FRMD5: variants seen among roughly 807,000 people sequenced by gnomAD.
FRMD5 encodes FERM domain-containing protein 5.
In FRMD5, 20 loss-of-function variants were observed where a neutral mutation model predicts 69.0. The ratio of observed to expected loss-of-function variants is 0.29; its 90% CI spans 0.20 to 0.42. FRMD5 has a LOEUF of 0.42. FRMD5 is among the 10% of genes least tolerant of loss of function. FRMD5 has a pLI of 1.00. For missense variants in FRMD5, 595 were observed against 708.6 expected (o/e 0.84, Z 1.82); for synonymous variants, 271 against 260.1 (o/e 1.04, Z -0.40).
intron 1 of FRMD5, among the ~76,000 whole-genome samples, chr15:44,103,297 T>A (rs910517539): frequency 1.3e-5 from 2 of 152,056 alleles, no homozygotes; most frequent in Admixed American, 1.3e-4. Flanking sequence ...GAAGAAGGAA[T>A]TAAATATTAA....
At position 44,038,830 on chromosome 15, in the gene FRMD5, T is replaced by C. The variant is rs532945912; in HGVS notation, c.103-114521A>G. ...GGAACAGTGCACTGCGGCCCAGATATTGCACTTTTCCCATGGTCTTCACAA... is the reference window on the plus strand; with the variant it reads ...GGAACAGTGCACTGCGGCCCAGATACTGCACTTTTCCCATGGTCTTCACAA... On this transcript the variant is annotated intron_variant, in intron 1 of 13. Coordinates refer to ENST00000417257, the MANE Select transcript of FRMD5 (RefSeq NM_032892.5). 5.3e-5 allele frequency among the ~76,000 whole-genome samples: 8 copies of C among 152,188 alleles called. No homozygotes were observed. The South Asian group carries it at 1.2e-3, about 24-fold the overall frequency.
intron 5 of FRMD5, 58 bp downstream of exon 5, chr15:43,909,824 A>C (rs1485206189): frequency 6.8e-6 from 7 of 1,031,266 alleles, no homozygotes; most frequent in African/African-American, 1.6e-5. Context: ...TGCTAACTGA[A>C]AATAATGTAA....
intron 1 of FRMD5, among the ~76,000 whole-genome samples, chr15:43,981,304 T>C (rs929212568): frequency 2.0e-5 from 3 of 151,098 alleles, no homozygotes; most frequent in Admixed American, 6.6e-5. Flanking sequence ...ATTCTTACAA[T>C]AAATTAGAGA....
intron 1 of FRMD5, among the ~76,000 whole-genome samples, chr15:43,957,216 G>A (rs993022560): frequency 1.3e-5 from 2 of 151,678 alleles, no homozygotes; most frequent in African/African-American, 4.8e-5. Context: ...TTCTTTTTGA[G>A]TTGGAGTCTG....
At chr15:43,892,124 A>G (rs2088807897) in intron 7 of FRMD5, 55 bp from the exon 8 acceptor site, 1 of 1,491,298 alleles carries the variant, frequency 6.7e-7, no homozygotes. Context: ...GTGAAAGGGT[A>G]AGAAACACAG....
chr15:43,941,223 C>G (rs942906001), intron 1 of FRMD5, among the ~76,000 whole-genome samples: 1 of 152,126 alleles, frequency 6.6e-6, no homozygotes, highest in Non-Finnish European at 1.5e-5. Flanking sequence ...AAAAAATTAG[C>G]CAGGTGTGGT....
rs189650441 is a variant in FRMD5 at position 43,902,305 on chromosome 15, C to T, written c.552-43G>A. ...AGATGATTTCAAGGTGTCTTGTTCC[C>T]ACAGGTTCCCCTGAGGTAAACTCTC... On this transcript the variant is annotated intron_variant, in intron 6 of 13. Transcript: ENST00000417257. 4.4e-4 allele frequency: 656 copies of T among 1,501,744 alleles called. 4 individuals are homozygous for T. Among genetic ancestry groups the T allele is most frequent in the Non-Finnish European group, 3.9e-5 (42 of 1,077,488 alleles). 93.0% of individuals were successfully genotyped at this position (1,501,744 alleles called of 1,614,324 possible).
At chr15:43,971,637 A>AAG (rs1197761486) in intron 1 of FRMD5, among the ~76,000 whole-genome samples, 1 of 151,816 alleles carries the variant, frequency 6.6e-6, no homozygotes, top group East Asian at 1.9e-4. Context: ...CTAAAAAAAA[A>AAG]AAAAAAAGAG....
intron 1 of FRMD5, among the ~76,000 whole-genome samples, chr15:44,185,036 T>C (rs1377089686): frequency 6.6e-6 from 1 of 152,242 alleles, no homozygotes; most frequent in Non-Finnish European, 1.5e-5. Context: ...GTCTGTAATG[T>C]GGCTATTCAT....
chr15:43,947,316 T>A (rs1233618136), intron 1 of FRMD5, among the ~76,000 whole-genome samples: 1 of 152,218 alleles, frequency 6.6e-6, no homozygotes, highest in Non-Finnish European at 1.5e-5. Flanking sequence ...AAGCTGTGCA[T>A]GGCTATACAA....
chr15:43,999,566 CCCTCTTA>C (rs1299506857), intron 1 of FRMD5, among the ~76,000 whole-genome samples: 1 of 152,006 alleles, frequency 6.6e-6, no homozygotes, highest in Non-Finnish European at 1.5e-5. Flanking sequence ...CAAGTTTGTT[CCCTCTTA>C]CCAACATCTT....
chr15:44,118,144 A>C (rs2076897180), intron 1 of FRMD5, among the ~76,000 whole-genome samples: 1 of 152,108 alleles, frequency 6.6e-6, no homozygotes, highest in African/African-American at 2.4e-5. Flanking sequence ...GAAGAAATTA[A>C]GGAAGTAATT....
chr15:43,899,194 A>G (rs951870048), intron 7 of FRMD5, among the ~76,000 whole-genome samples: 1 of 152,228 alleles, frequency 6.6e-6, no homozygotes, highest in African/African-American at 2.4e-5. Context: ...ACTTGATAGC[A>G]TATCACTAAA....
chr15:43,939,794 CAA>C (rs2089830382), intron 1 of FRMD5, among the ~76,000 whole-genome samples: 1 of 152,060 alleles, frequency 6.6e-6, no homozygotes, highest in African/African-American at 2.4e-5. Flanking sequence ...CTCCTGGGCG[CAA>C]GTGATCCACT....
intron 1 of FRMD5, among the ~76,000 whole-genome samples, chr15:43,991,844 G>A (rs907336044): frequency 1.3e-5 from 2 of 152,146 alleles, no homozygotes; most frequent in African/African-American, 4.8e-5. Context: ...CTTTGGAGAT[G>A]GCTCAATAAT....
chr15:43,947,866 C>T (rs1162511909), intron 1 of FRMD5, among the ~76,000 whole-genome samples: 2 of 152,210 alleles, frequency 1.3e-5, no homozygotes, highest in Non-Finnish European at 2.9e-5. Flanking sequence ...CCTTTTATCC[C>T]AGATGTTAGT....
At chr15:44,179,471 G>T (rs1326414162) in intron 1 of FRMD5, among the ~76,000 whole-genome samples, 1 of 152,178 alleles carries the variant, frequency 6.6e-6, no homozygotes, top group South Asian at 2.1e-4. Flanking sequence ...TGGTTAGCAT[G>T]AATCAATTCC....
intron 4 of FRMD5, among the ~76,000 whole-genome samples, chr15:43,912,290 G>A (rs1481162859): frequency 6.6e-6 from 1 of 152,016 alleles, no homozygotes; most frequent in Non-Finnish European, 1.5e-5. Flanking sequence ...CCAAATGTTT[G>A]CCAAGAAAAA....
chr15:44,166,345 T>C (rs1283426795), intron 1 of FRMD5, among the ~76,000 whole-genome samples: 1 of 152,206 alleles, frequency 6.6e-6, no homozygotes, highest in Admixed American at 6.5e-5. Flanking sequence ...CTTTGGCATA[T>C]TGGCTGCAAA....
Sources: gnomAD v4.1 joint callset for allele counts (sites outside exome capture counted in the v4.1 genomes callset) on GRCh38, gnomAD v4.1.1 for gene constraint, MANE v1.5 for transcripts, NCBI Gene and HGNC (gene_info 2026-07-23, HGNC 2026-07-21) for gene names.